The following TMEM164 variants were observed in gnomAD, a reference collection of about 807,000 sequenced individuals.
TMEM164 encodes transmembrane protein 164.
A neutral mutation model predicts 18.8 loss-of-function variants in TMEM164; 4 were observed. The ratio of observed to expected loss-of-function variants is 0.21; its 90% CI spans 0.10 to 0.49. The LOEUF (loss-of-function observed/expected upper bound fraction) is 0.49, where lower values mean the gene tolerates loss of function less well. Among genes scored for constraint, TMEM164 ranks in the 20% least tolerant of loss-of-function variants. The pLI is 0.98. For missense variants in TMEM164, 108 were observed against 239.9 expected, an observed-to-expected ratio of 0.45 and a Z score of 3.63; for synonymous variants, 86 against 101.7, an observed-to-expected ratio of 0.85 and a Z score of 0.93.
At position 110,176,172 on chromosome X, in the gene TMEM164, G is replaced by A. The variant is rs1391473885; in HGVS notation, c.*2721G>A. The A allele has an allele frequency of 4.0e-6, 3 of 755,207 alleles. No individual in the cohort carries two copies. The highest frequency in any genetic ancestry group is 4.7e-6 in the Non-Finnish European group (3 of 639,426). The allele number at this position is 755,207 out of a possible 1,213,427, so 62.2% of individuals were successfully genotyped here. ...TTCCTTTCAAATGGCCTTAGGAAGG[G>A]AAAAGAGTACTCCCTCCAGCCCCTA... On this transcript the variant is annotated 3_prime_UTR_variant, in exon 7 of 7. Transcript: ENST00000372068.
intron 5 of TMEM164, among the ~76,000 whole-genome samples, chrX:110,165,211 AATACTCT>A (rs2067144379): frequency 8.9e-6 from 1 of 112,908 alleles, no homozygotes; most frequent in South Asian, 3.6e-4. Flanking sequence ...TGGTGATGGG[AATACTCT>A]ATCTCTGCAC....
At chrX:110,169,091 C>T (rs765127551) in intron 5 of TMEM164, among the ~76,000 whole-genome samples, 1 of 112,003 alleles carries the variant, frequency 8.9e-6, no homozygotes, top group East Asian at 2.8e-4. Flanking sequence ...ACCTGTTGAG[C>T]TCCACTGCCC....
At chrX:110,074,219 A>AT (rs889234656) in intron 3 of TMEM164, among the ~76,000 whole-genome samples, 5 of 110,688 alleles carry the variant, frequency 4.5e-5, no homozygotes, top group African/African-American at 6.6e-5. Flanking sequence ...GTGATAAGAG[A>AT]TTTTTTCATG....
intron 5 of TMEM164, among the ~76,000 whole-genome samples, chrX:110,164,029 T>C (rs1448585351): frequency 8.9e-6 from 1 of 112,230 alleles, no homozygotes; most frequent in Non-Finnish European, 1.9e-5. Flanking sequence ...AGAGAAAATA[T>C]TAATTTGTGG....
At chrX:110,106,142 A>C (rs1413419773) in intron 3 of TMEM164, among the ~76,000 whole-genome samples, 1 of 112,012 alleles carries the variant, frequency 8.9e-6, no homozygotes, top group Admixed American at 9.5e-5. Flanking sequence ...GCATATATAT[A>C]GCTTGTATAA....
intron 4 of TMEM164, among the ~76,000 whole-genome samples, chrX:110,144,018 G>A (rs2066814023): frequency 8.9e-6 from 1 of 111,952 alleles, no homozygotes; most frequent in South Asian, 3.7e-4. Flanking sequence ...TGAGAATACA[G>A]AGATTCCATT....
At chrX:110,002,630 C>A (rs1052390210), upstream of TMEM164, 4 of 106,107 alleles carry the variant, frequency 3.8e-5, no homozygotes, top group South Asian at 8.4e-4. Flanking sequence ...AAGGAGGAAG[C>A]GAGCGCGGCT....
chrX:110,044,237 T>A (rs184687680), intron 2 of TMEM164, among the ~76,000 whole-genome samples: 215 of 112,971 alleles, frequency 1.9e-3, no homozygotes, highest in Non-Finnish European at 3.3e-3. Flanking sequence ...TTCCTTCACA[T>A]GTCTTTAGGG....
At chrX:110,081,725 G>A (rs1039578918) in intron 3 of TMEM164, among the ~76,000 whole-genome samples, 2 of 112,436 alleles carry the variant, frequency 1.8e-5, no homozygotes, top group South Asian at 3.7e-4. Flanking sequence ...CTTTATGCCC[G>A]TGTGTTCTTT....
At chrX:110,109,248 TG>T in intron 4 of TMEM164, 102 bp downstream of exon 4, 1 of 806,176 alleles carries the variant, frequency 1.2e-6, no homozygotes, top group South Asian at 2.2e-5. Flanking sequence ...CCAGGCGCGG[TG>T]GCTCACACCT....
chrX:110,095,621 C>T (rs374485704), intron 3 of TMEM164, among the ~76,000 whole-genome samples: 46 of 111,938 alleles, frequency 4.1e-4, no homozygotes, highest in African/African-American at 1.3e-3. Context: ...GCGATGGGTT[C>T]GAACATCCTC....
rs184356000 is a variant in TMEM164, at chrX:110,090,636, A to T, written c.441-18444A>T. On this transcript the variant is annotated intron_variant, in intron 3 of 6. Coordinates refer to ENST00000372068, the MANE Select transcript of TMEM164 (RefSeq NM_032227.4). ...GGCCTGGAAATTTTTAAACATACGG[A>T]AAAGTGAATAGCGCAGTACATAGAA... 7.8e-4 allele frequency among the ~76,000 whole-genome samples: 87 copies of T among 111,645 alleles called. 1 individual carries two copies. The highest frequency in any genetic ancestry group is 1.3e-3 in the Non-Finnish European group (68 of 53,136).
intron 4 of TMEM164, among the ~76,000 whole-genome samples, chrX:110,133,798 T>A (rs751737461): frequency 8.9e-6 from 1 of 111,894 alleles, no homozygotes; most frequent in South Asian, 3.7e-4. Context: ...CTTCCCGGCC[T>A]TTTCAGAAAT....
chrX:110,109,024 C>A, intron 3 of TMEM164, 56 bp from the exon 4 acceptor site: 2 of 1,119,809 alleles, frequency 1.8e-6, no homozygotes, highest in Non-Finnish European at 2.5e-6. Flanking sequence ...TGTCTTTTTT[C>A]TCCCTTTGTA....
At chrX:110,030,108 GTTTTTTTTT>G (rs34803907) in intron 2 of TMEM164, among the ~76,000 whole-genome samples, 1 of 26,970 alleles carries the variant, frequency 3.7e-5, no homozygotes, top group Non-Finnish European at 6.3e-5. Context: ...TTCTCTGTCT[GTTTTTTTTT>G]TTTTTTTTTT....
At chrX:110,015,043 C>A (rs1933262308) in intron 2 of TMEM164, among the ~76,000 whole-genome samples, 1 of 111,775 alleles carries the variant, frequency 8.9e-6, no homozygotes, top group Non-Finnish European at 1.9e-5. Flanking sequence ...ATATGGTAAT[C>A]CTCTCTCCTT....
At chrX:110,021,859 G>C (rs1038795045) in intron 2 of TMEM164, among the ~76,000 whole-genome samples, 9 of 112,067 alleles carry the variant, frequency 8.0e-5, no homozygotes, top group Admixed American at 3.8e-4. Context: ...TCAGAGAATA[G>C]TCTGGTGAGT....
chrX:110,020,466 G>A, intron 2 of TMEM164: 3 of 752,973 alleles, frequency 4.0e-6, no homozygotes, highest in Non-Finnish European at 4.7e-6. Flanking sequence ...GAAGAGGAGA[G>A]CATCATGCAA....
At chrX:110,090,593 G>A (rs2065911464) in intron 3 of TMEM164, among the ~76,000 whole-genome samples, 1 of 111,912 alleles carries the variant, frequency 8.9e-6, no homozygotes, top group African/African-American at 3.2e-5. Flanking sequence ...GGGATTACAG[G>A]CGTGAGCCAC....
Sources: allele counts gnomAD v4.1 joint callset (sites outside exome capture counted in the v4.1 genomes callset), GRCh38; gene constraint gnomAD v4.1.1; transcripts MANE v1.5; gene names NCBI Gene and HGNC (gene_info 2026-07-23, HGNC 2026-07-21).